The following PCDH15 variants were observed in gnomAD, a reference collection of about 807,000 sequenced individuals.
PCDH15 encodes the protein protocadherin-15.
Under a neutral mutation model 178.5 loss-of-function variants are expected in PCDH15, and 129 were observed. The observed-to-expected ratio is 0.72, with a 90% CI of 0.63 to 0.84. The LOEUF is 0.84. Among genes scored for constraint, PCDH15 ranks in the 40% least tolerant of loss-of-function variants. PCDH15 has a pLI of 0.00. For missense variants in PCDH15, 2,230 were observed against 2,099.9 expected (o/e 1.06, Z -1.21); for synonymous variants, 800 against 732.0 (o/e 1.09, Z -1.50).
At position 55,249,644 on chromosome 10, in the gene PCDH15, T is replaced by G. The variant is rs780320910; in HGVS notation, c.-156+69955A>C. Among the ~76,000 whole-genome samples, 84 of 152,242 alleles carry G rather than the reference T, an allele frequency of 5.5e-4. 1 individual carries two copies. Among genetic ancestry groups the G allele is most frequent in the African/African-American group, 6.3e-4 (26 of 41,564 alleles). On this transcript the variant is annotated intron_variant, in intron 1 of 5. Transcript: ENST00000458638. ...AATTGCAATCTTCTAATTGTTGTATTAGTAAGGTGTGACATGCAACACTTT... is the reference window on the plus strand; with the variant it reads ...AATTGCAATCTTCTAATTGTTGTATGAGTAAGGTGTGACATGCAACACTTT...
intron 7 of PCDH15, among the ~76,000 whole-genome samples, chr10:54,318,704 T>C (rs1424480294): frequency 2.0e-5 from 3 of 152,220 alleles, no homozygotes; most frequent in African/African-American, 7.2e-5. Flanking sequence ...TTTTGCAGAA[T>C]GTCCCTTAAT....
chr10:55,131,353 C>T (rs746747263), intron 2 of PCDH15, among the ~76,000 whole-genome samples: 6 of 152,168 alleles, frequency 3.9e-5, no homozygotes, highest in Non-Finnish European at 8.8e-5. Context: ...CCAGGAACTG[C>T]AGAGCCCCAA....
chr10:54,227,016 G>T (rs2053531583), intron 9 of PCDH15, among the ~76,000 whole-genome samples: 1 of 152,154 alleles, frequency 6.6e-6, no homozygotes, highest in Non-Finnish European at 1.5e-5. Context: ...CTGCTTTCAT[G>T]GGCTGGGGTC....
intron 23 of PCDH15, among the ~76,000 whole-genome samples, chr10:53,948,300 C>T (rs1589571086): frequency 6.6e-6 from 1 of 152,202 alleles, no homozygotes; most frequent in African/African-American, 2.4e-5. Flanking sequence ...AAATTTATTC[C>T]TCTCGCTTGA....
At chr10:54,227,322 G>C (rs564878073) in intron 9 of PCDH15, among the ~76,000 whole-genome samples, 3 of 152,314 alleles carry the variant, frequency 2.0e-5, no homozygotes, top group Admixed American at 1.3e-4. Flanking sequence ...GCACTCACAG[G>C]CTCAATACTT....
intron 9 of PCDH15, among the ~76,000 whole-genome samples, chr10:54,220,896 C>G (rs1163605007): frequency 2.0e-5 from 3 of 151,682 alleles, no homozygotes; most frequent in Non-Finnish European, 4.4e-5. Flanking sequence ...TCTCCTTGGA[C>G]AAAGAGTAAA....
At chr10:53,896,948 C>T (rs905673912) in intron 26 of PCDH15, among the ~76,000 whole-genome samples, 14 of 151,978 alleles carry the variant, frequency 9.2e-5, no homozygotes, top group Admixed American at 2.6e-4. Context: ...TTATATATTA[C>T]GATGTAATAA....
intron 1 of PCDH15, among the ~76,000 whole-genome samples, chr10:55,291,391 T>C (rs1014743366): frequency 6.6e-6 from 1 of 152,338 alleles, no homozygotes; most frequent in Non-Finnish European, 1.5e-5. Flanking sequence ...CATTCTAAAA[T>C]CTGTATATTC....
At chr10:54,720,708 T>C (rs1941456513) in intron 1 of PCDH15, among the ~76,000 whole-genome samples, 1 of 152,028 alleles carries the variant, frequency 6.6e-6, no homozygotes, top group Non-Finnish European at 1.5e-5. Context: ...CCTAAATATA[T>C]GTGCATCCAA....
chr10:54,424,862 G>C (rs537229576), intron 3 of PCDH15, among the ~76,000 whole-genome samples: 1 of 127,782 alleles, frequency 7.8e-6, no homozygotes, highest in African/African-American at 2.9e-5. Flanking sequence ...CCCGTCAAGC[G>C]GTGGGGGGAG....
chr10:55,548,210 G>GCGCGCACACA (rs386371439), intron 2 of PCDH15, among the ~76,000 whole-genome samples: 1 of 121,190 alleles, frequency 8.3e-6, no homozygotes, highest in Admixed American at 8.3e-5. Flanking sequence ...AATGCCTAAT[G>GCGCGCACACA]CACACACACA....
At chr10:54,505,633 C>T (rs903314681) in intron 3 of PCDH15, among the ~76,000 whole-genome samples, 3 of 151,886 alleles carry the variant, frequency 2.0e-5, no homozygotes, top group Non-Finnish European at 2.9e-5. Context: ...ACATCACACA[C>T]TGGGGCCTGT....
chr10:55,074,032 G>C (rs909878152), intron 2 of PCDH15, among the ~76,000 whole-genome samples: 9 of 152,192 alleles, frequency 5.9e-5, no homozygotes, highest in African/African-American at 2.2e-4. Context: ...TCCCTGCAAA[G>C]TGCATGATCT....
chr10:55,484,809 T>C (rs1840262904), intron 2 of PCDH15, among the ~76,000 whole-genome samples: 1 of 151,702 alleles, frequency 6.6e-6, no homozygotes, highest in Admixed American at 6.6e-5. Flanking sequence ...TAATAAATTG[T>C]GCTTGGAAAA....
At chr10:55,422,242 C>G (rs986474341) in intron 2 of PCDH15, among the ~76,000 whole-genome samples, 34 of 151,774 alleles carry the variant, frequency 2.2e-4, no homozygotes, top group Non-Finnish European at 1.3e-4. Context: ...TAAGAAATGC[C>G]TTCTAACTGA....
At chr10:55,483,197 C>T (rs775371890) in intron 2 of PCDH15, among the ~76,000 whole-genome samples, 44 of 151,562 alleles carry the variant, frequency 2.9e-4, no homozygotes, top group Non-Finnish European at 4.7e-4. Context: ...AAACAGACAA[C>T]CTGAAGAACA....
chr10:54,101,973 T>C (rs1258370118), intron 15 of PCDH15, among the ~76,000 whole-genome samples: 1 of 152,048 alleles, frequency 6.6e-6, no homozygotes. Flanking sequence ...AGACCTTGTC[T>C]CAAAATAATA....
chr10:55,231,647 A>C (rs117431271), intron 1 of PCDH15, among the ~76,000 whole-genome samples: 3,382 of 152,106 alleles, frequency 0.022, 58 homozygotes, highest in South Asian at 0.039. Context: ...TGGCATGATC[A>C]AATTTGTTTT....
intron 2 of PCDH15, among the ~76,000 whole-genome samples, chr10:55,138,697 A>G (rs531227053): frequency 6.6e-6 from 1 of 152,244 alleles, no homozygotes; most frequent in African/African-American, 2.4e-5. Context: ...GTCTTGATAG[A>G]TGTATACACT....
Sources: allele counts gnomAD v4.1 joint callset (sites outside exome capture counted in the v4.1 genomes callset), GRCh38; gene constraint gnomAD v4.1.1; transcripts MANE v1.5; gene names NCBI Gene and HGNC (gene_info 2026-07-23, HGNC 2026-07-21).